The following COL6A6 variants were observed in gnomAD, a reference collection of about 807,000 sequenced individuals.
COL6A6 encodes collagen type VI alpha 6 chain.
Under a neutral mutation model 208.6 loss-of-function variants are expected in COL6A6, and 183 were observed. The observed-to-expected ratio is 0.88, with a 90% CI of 0.78 to 0.99. The LOEUF (loss-of-function observed/expected upper bound fraction) is 0.99, where lower values mean the gene tolerates loss of function less well. Ranked by LOEUF, COL6A6 falls within the 50% of genes least tolerant of loss-of-function variation. The pLI, the probability that COL6A6 is intolerant of heterozygous loss-of-function variation, is 0.00. For synonymous variants in COL6A6, 973 were observed against 1,011.8 expected (o/e 0.96, Z 0.73); for missense variants, 2,816 against 2,815.2 (o/e 1.00, Z -0.01).
intron 1 of COL6A6, among the ~76,000 whole-genome samples, chr3:130,533,757 T>C (rs2062161008): frequency 6.6e-6 from 1 of 152,190 alleles, no homozygotes; most frequent in Non-Finnish European, 1.5e-5. Flanking sequence ...ACATGGATGG[T>C]ATTGTACTTC....
chr3:130,521,140 T>G (rs1711047340), intron 1 of COL6A6, among the ~76,000 whole-genome samples: 1 of 152,222 alleles, frequency 6.6e-6, no homozygotes, highest in African/African-American at 2.4e-5. Flanking sequence ...ATTTTTGTAT[T>G]GCTCTAAGTA....
At chr3:130,643,885 C>G (rs1435627786) in intron 31 of COL6A6, among the ~76,000 whole-genome samples, 1 of 152,108 alleles carries the variant, frequency 6.6e-6, no homozygotes, top group Admixed American at 6.5e-5. Flanking sequence ...TATTGGAACT[C>G]TGTCTTTTTG....
At chr3:130,654,737 C>T (rs2065742506) in intron 33 of COL6A6, among the ~76,000 whole-genome samples, 1 of 152,136 alleles carries the variant, frequency 6.6e-6, no homozygotes. Flanking sequence ...TGGGGAATTG[C>T]AGTAGAGAAA....
At chr3:130,665,897 T>C (rs2066063101) in intron 36 of COL6A6, among the ~76,000 whole-genome samples, 1 of 152,178 alleles carries the variant, frequency 6.6e-6, no homozygotes, top group Non-Finnish European at 1.5e-5. Flanking sequence ...TACTTATTAA[T>C]TACAAACAGG....
At chr3:130,640,789 A>G (rs1182138242) in intron 28 of COL6A6, among the ~76,000 whole-genome samples, 1 of 152,166 alleles carries the variant, frequency 6.6e-6, no homozygotes, top group Non-Finnish European at 1.5e-5. Context: ...ATTTCATTAC[A>G]ATATTTCCAA....
rs1222709201 is a variant in COL6A6, at chr3:130,644,938, A to G, written c.5228-53A>G. ...ACCTTTCTTTCCTGCACGATACAGA[A>G]CTCTCTTCTCCTACCAAATAATAAT... is the stretch of plus-strand genomic sequence containing the variant. On this transcript the variant is annotated intron_variant, in intron 31 of 36. Transcript: ENST00000358511. 2.6e-6 allele frequency: 4 copies of G among 1,560,010 alleles called. No individual in the cohort carries two copies. The Admixed American group carries it at 6.7e-5, about 26-fold the overall frequency.
Position 130,641,726 on chromosome 3 carries a change from A to G in COL6A6, c.5154+12A>G. ...CTCCTGGACGTAAGGTAAGTAGAAA[A>G]ACTATAAACCACAGCAGGTCCTTTT... On this transcript the variant is annotated intron_variant, in intron 29 of 36. Transcript: ENST00000358511. The G allele has an allele frequency of 6.5e-7, 1 of 1,543,718 alleles. No homozygotes were observed. The highest frequency in any genetic ancestry group is 8.9e-7 in the Non-Finnish European group (1 of 1,120,594).
At chr3:130,634,216 AAT>A (rs1207818716) in intron 26 of COL6A6, among the ~76,000 whole-genome samples, 2 of 55,474 alleles carry the variant, frequency 3.6e-5, no homozygotes, top group South Asian at 5.8e-4. Flanking sequence ...AAAAAAAATA[AAT>A]AAATAAATAA....
At chr3:130,639,116 T>A (rs2065236897) in intron 28 of COL6A6, among the ~76,000 whole-genome samples, 1 of 152,202 alleles carries the variant, frequency 6.6e-6, no homozygotes, top group African/African-American at 2.4e-5. Context: ...CAGCTTTTTG[T>A]CTTTTTGCTC....
chr3:130,662,362 TAAA>T, intron 35 of COL6A6, 54 bp downstream of exon 35: 1 of 1,510,310 alleles, frequency 6.6e-7, no homozygotes, highest in Non-Finnish European at 8.9e-7. Flanking sequence ...TTGGTATTAC[TAAA>T]AAAAGGTTGA....
At chr3:130,625,752 ATAAAG>A (rs2064867020) in intron 24 of COL6A6, among the ~76,000 whole-genome samples, 1 of 152,228 alleles carries the variant, frequency 6.6e-6, no homozygotes, top group African/African-American at 2.4e-5. Flanking sequence ...AAAAATCTGA[ATAAAG>A]TATGGGCTTT....
chr3:130,546,145 C>T (rs1286104423), intron 1 of COL6A6, among the ~76,000 whole-genome samples: 1 of 152,054 alleles, frequency 6.6e-6, no homozygotes, highest in Non-Finnish European at 1.5e-5. Context: ...AGAATGAAGC[C>T]CCGGACCCTC....
intron 1 of COL6A6, among the ~76,000 whole-genome samples, chr3:130,525,589 C>A (rs1391187046): frequency 1.3e-5 from 2 of 152,110 alleles, no homozygotes. Flanking sequence ...TCTATGCTCT[C>A]CCACAATTTA....
chr3:130,662,279 T>C lies in COL6A6; in HGVS notation c.6473T>C (p.Phe2158Ser). 1 of 1,613,694 alleles carries C rather than the reference T, an allele frequency of 6.2e-7. No individual in the cohort carries two copies. The highest frequency in any genetic ancestry group is 8.5e-7 in the Non-Finnish European group (1 of 1,179,692). Residue 2158 changes from phenylalanine (F) to serine (S), a missense_variant, in exon 35 of 37, where the codon TTT (phenylalanine) becomes TCT (serine). Physicochemically the swap from Phe to Ser is radical, Grantham distance 155. Transcript: ENST00000358511. ...CCTGACCACAGTTATGGTGTGAAGT[T>C]TGTGAAGTCCTTTATAAACTCAATC... is the stretch of plus-strand genomic sequence containing the variant. ...HKPDHSYGVK[F>S]VKSFINSIRR...
chr3:130,586,447 C>CA (rs1258788791), intron 10 of COL6A6, 59 bp from the exon 11 acceptor site: 26 of 1,498,634 alleles, frequency 1.7e-5, no homozygotes, highest in Non-Finnish European at 2.0e-5. Context: ...AATATGCTTG[C>CA]AAAAAACTAA....
At chr3:130,659,575 A>G (rs1260647985) in intron 34 of COL6A6, among the ~76,000 whole-genome samples, 1 of 152,262 alleles carries the variant, frequency 6.6e-6, no homozygotes, top group Non-Finnish European at 1.5e-5. Context: ...AAATCACCCT[A>G]AAACATTTAA....
intron 1 of COL6A6, among the ~76,000 whole-genome samples, chr3:130,526,644 A>G (rs2061967808): frequency 6.6e-6 from 1 of 152,192 alleles, no homozygotes; most frequent in Non-Finnish European, 1.5e-5. Context: ...CAAAGTGGTT[A>G]CATTTAAAAC....
chr3:130,627,283 G>A (rs1179570117), intron 25 of COL6A6, 36 bp from the exon 26 acceptor site: 1 of 1,595,700 alleles, frequency 6.3e-7, no homozygotes, highest in African/African-American at 1.3e-5. Flanking sequence ...TCTATCTGTA[G>A]TCTGGGATGT....
intron 32 of COL6A6, among the ~76,000 whole-genome samples, chr3:130,648,100 C>T (rs1462741167): frequency 6.6e-6 from 1 of 152,150 alleles, no homozygotes; most frequent in Non-Finnish European, 1.5e-5. Flanking sequence ...GTGACAAGTG[C>T]AAAGTACCGA....
Sources: gnomAD v4.1 joint callset for allele counts (sites outside exome capture counted in the v4.1 genomes callset) on GRCh38, gnomAD v4.1.1 for gene constraint, MANE v1.5 for transcripts, NCBI Gene and HGNC (gene_info 2026-07-23, HGNC 2026-07-21) for gene names.